CERS5: variants seen among roughly 807,000 people sequenced by gnomAD.
CERS5 encodes the protein ceramide synthase 5.
A neutral mutation model predicts 58.9 loss-of-function variants in CERS5; 37 were observed. The ratio of observed to expected loss-of-function variants is 0.63; its 90% CI spans 0.48 to 0.83. CERS5 has a LOEUF of 0.83. CERS5 is among the 40% of genes least tolerant of loss of function. CERS5 has a pLI of 0.00. For missense variants in CERS5, 398 were observed against 489.3 expected (o/e 0.81, Z 1.76); for synonymous variants, 147 against 177.8 (o/e 0.83, Z 1.38).
intron 1 of CERS5, among the ~76,000 whole-genome samples, chr12:50,151,301 C>T (rs1937931245): frequency 6.6e-6 from 1 of 152,156 alleles, no homozygotes; most frequent in East Asian, 1.9e-4. Context: ...CTTACTTGAC[C>T]TTTCAGCAGC....
intron 1 of CERS5, among the ~76,000 whole-genome samples, chr12:50,166,537 T>C (rs1441245528): frequency 6.6e-6 from 1 of 152,122 alleles, no homozygotes; most frequent in Non-Finnish European, 1.5e-5. Flanking sequence ...TCTACCCTCC[T>C]ACCAACAAAC....
Position 50,167,074 on chromosome 12 carries a change from C to T in CERS5, c.197+27G>A, listed in dbSNP as rs1444830501. The T allele has an allele frequency of 2.7e-6, 4 of 1,495,220 alleles. No homozygotes were observed. In the South Asian group the frequency reaches 4.9e-5, roughly 18 times the overall value. The allele number at this position is 1,495,220 out of a possible 1,614,324, so 92.6% of individuals were successfully genotyped here. Reference sequence around the variant, plus strand: ...GGCGCCCCCGGCCCGCGCCCGGCCCCCGAGCCGCTCGCTCCCGGGCTCTCA... The same window carrying T: ...GGCGCCCCCGGCCCGCGCCCGGCCCTCGAGCCGCTCGCTCCCGGGCTCTCA... On this transcript the variant is annotated intron_variant, in intron 1 of 9. Transcript: ENST00000317551.
intron 4 of CERS5, among the ~76,000 whole-genome samples, chr12:50,139,642 A>C (rs1951859874): frequency 6.6e-6 from 1 of 151,934 alleles, no homozygotes; most frequent in South Asian, 2.1e-4. Flanking sequence ...AAAATACAAA[A>C]ATTAGCTGGG....
Position 50,163,155 on chromosome 12 carries a change from TC to T in CERS5, c.197+3945del, listed in dbSNP as rs371804131. Among the ~76,000 whole-genome samples the T allele has an allele frequency of 2.0e-4, 30 of 152,124 alleles. No homozygotes were observed. In the East Asian group the frequency reaches 5.4e-3, roughly 28 times the overall value. On this transcript the variant is annotated intron_variant, in intron 1 of 9. Coordinates refer to ENST00000317551, the MANE Select transcript of CERS5 (RefSeq NM_147190.5). The stretch of plus-strand genomic sequence containing the variant: ...CTCAAGCAATTCTCTCACCTTGGCC[TC>T]CAAAGTGTTGGGATTACAGGTGTGA...
intron 4 of CERS5, among the ~76,000 whole-genome samples, chr12:50,140,284 ATTTTTTT>A (rs57651378): frequency 2.1e-4 from 20 of 96,248 alleles, no homozygotes; most frequent in African/African-American, 4.5e-4. Context: ...TAACTTCCAA[ATTTTTTT>A]TTTTTTTTTT....
intron 1 of CERS5, among the ~76,000 whole-genome samples, chr12:50,154,779 C>G (rs1301486859): frequency 1.3e-5 from 2 of 152,200 alleles, no homozygotes; most frequent in Non-Finnish European, 2.9e-5. Context: ...ATCCTCCTGT[C>G]TCTGCCTCCC....
intron 9 of CERS5, chr12:50,133,634 C>T (rs574488568): frequency 1.6e-5 from 16 of 985,492 alleles, no homozygotes; most frequent in Admixed American, 6.1e-5. Context: ...ATATGAAATC[C>T]ACTGAAGCAG....
At chr12:50,147,505 TAGAGACCCCTGGGGGATCC>T (rs1272957552) in intron 1 of CERS5, 2 of 152,108 alleles carry the variant, frequency 1.3e-5, no homozygotes, top group African/African-American at 4.8e-5. Flanking sequence ...AAGTGTGGTT[TAGAGACCCCTGGGGGATCC>T]AGAGACCCTT....
chr12:50,135,565 C>A, intron 8 of CERS5, 167 bp downstream of exon 8: 1 of 723,208 alleles, frequency 1.4e-6, no homozygotes, highest in Non-Finnish European at 2.5e-6. Context: ...TGAGAGTCCA[C>A]AGAAGGTCAG....
At chr12:50,138,491 G>A in intron 5 of CERS5, 76 bp downstream of exon 5, 1 of 1,178,272 alleles carries the variant, frequency 8.5e-7, no homozygotes, top group Non-Finnish European at 1.3e-6. Flanking sequence ...TCTGTCCTGG[G>A]GACTGGCAAA....
intron 1 of CERS5, among the ~76,000 whole-genome samples, chr12:50,159,226 CAGG>C (rs1368309057): frequency 6.6e-6 from 1 of 152,024 alleles, no homozygotes; most frequent in East Asian, 1.9e-4. Flanking sequence ...GAGGCTGAGG[CAGG>C]AGAATGGTGT....
intron 1 of CERS5, among the ~76,000 whole-genome samples, chr12:50,161,567 G>A (rs1253103449): frequency 2.0e-5 from 3 of 151,904 alleles, no homozygotes; most frequent in Non-Finnish European, 4.4e-5. Context: ...ACTTGAGGCC[G>A]GGAGTTCAAG....
intron 1 of CERS5, among the ~76,000 whole-genome samples, chr12:50,156,774 T>G (rs1191848477): frequency 6.6e-6 from 1 of 152,044 alleles, no homozygotes; most frequent in Non-Finnish European, 1.5e-5. Context: ...AAAAGGAAAT[T>G]ATGTAGCTGG....
At position 50,135,953 on chromosome 12, in the gene CERS5, G is replaced by A. The variant is rs3741562; in HGVS notation, c.753C>T (p.Asp251=). ...ATTGGGTTTTTACCTCCAGCAAGAA[G>A]TCTGAGACATCATGTAGACACATGA... The part of the protein sequence containing the change: ...TLIMCLHDVS[D]FLLEAAKLAN... The change falls in exon 7 of 10, where the codon GAC becomes GAT. Residue 251 remains aspartate (D), a synonymous_variant. Transcript: ENST00000317551. The A allele has an allele frequency of 0.35, 537,307 of 1,537,130 alleles. 96,360 individuals carry two copies. Among genetic ancestry groups the A allele is most frequent in the South Asian group, 0.39 (29,422 of 76,222 alleles).
chr12:50,135,168 A>G (rs1382588134), intron 8 of CERS5, among the ~76,000 whole-genome samples: 23 of 39,814 alleles, frequency 5.8e-4, no homozygotes, highest in African/African-American at 8.5e-4. Context: ...GAGAGAGGGG[A>G]GGGAGGGAGA....
intron 1 of CERS5, chr12:50,154,184 C>T (rs1243087313): frequency 3.2e-6 from 1 of 309,682 alleles, no homozygotes; most frequent in Non-Finnish European, 6.5e-6. Context: ...GAAACCCCAT[C>T]TCTACTAAAA....
At chr12:50,159,050 G>A (rs757481822) in intron 1 of CERS5, among the ~76,000 whole-genome samples, 2 of 152,064 alleles carry the variant, frequency 1.3e-5, no homozygotes, top group Admixed American at 1.3e-4. Flanking sequence ...GGCCGGGCGC[G>A]GTGGCTCACA....
intron 1 of CERS5, among the ~76,000 whole-genome samples, chr12:50,156,421 T>A (rs1440396782): frequency 1.8e-5 from 1 of 56,858 alleles, no homozygotes; most frequent in Non-Finnish European, 3.4e-5. Flanking sequence ...ACAAACAAAC[T>A]ATATATATAT....
At chr12:50,138,100 T>C (rs1951782295) in intron 5 of CERS5, among the ~76,000 whole-genome samples, 1 of 152,230 alleles carries the variant, frequency 6.6e-6, no homozygotes, top group South Asian at 2.1e-4. Context: ...TCTAGGATTC[T>C]GGGCAATTAG....
Sources: allele counts gnomAD v4.1 joint callset (sites outside exome capture counted in the v4.1 genomes callset), GRCh38; gene constraint gnomAD v4.1.1; transcripts MANE v1.5; gene names NCBI Gene and HGNC (gene_info 2026-07-23, HGNC 2026-07-21).